The following FLRT2 variants were observed in gnomAD, a reference collection of about 807,000 sequenced individuals.
FLRT2 encodes the protein leucine-rich repeat transmembrane protein FLRT2.
FLRT2 carries 15 observed loss-of-function variants against 40.0 expected under a neutral mutation model. The ratio of observed to expected loss-of-function variants is 0.38; its 90% CI spans 0.25 to 0.58. The LOEUF is 0.58. FLRT2 is among the 20% of genes least tolerant of loss of function. The pLI, the probability that FLRT2 is intolerant of heterozygous loss-of-function variation, is 0.71. For missense variants in FLRT2, 726 were observed against 840.0 expected (o/e 0.86, Z 1.68); for synonymous variants, 380 against 336.8 (o/e 1.13, Z -1.41).
In FLRT2 at chr14:85,635,956, T is replaced by A. The variant is rs540384836; in HGVS notation, c.*12459T>A. The A allele has an allele frequency of 6.6e-6, 1 of 152,156 alleles. No individual in the cohort carries two copies. Among genetic ancestry groups the A allele is most frequent in the African/African-American group, 2.4e-5 (1 of 41,446 alleles). 9.4% of individuals were successfully genotyped at this position (152,156 alleles called of 1,614,324 possible). ...TAAAGATGTTTATATAATTTTTATA[T>A]AATACACACTTCCAATAATTGATAA... On this transcript the variant is annotated 3_prime_UTR_variant, in exon 2 of 2. Transcript: ENST00000330753.
At chr14:85,611,901 C>CGT in intron 1 of FLRT2, among the ~76,000 whole-genome samples, 1 of 143,854 alleles carries the variant, frequency 7.0e-6, no homozygotes, top group Non-Finnish European at 1.5e-5. Flanking sequence ...AGAGAGAGAG[C>CGT]GCGCGTGCGC....
intron 1 of FLRT2, among the ~76,000 whole-genome samples, chr14:85,596,475 C>T (rs1443033032): frequency 6.6e-6 from 1 of 152,096 alleles, no homozygotes; most frequent in Non-Finnish European, 1.5e-5. Context: ...AGAGATTAGA[C>T]ACTAATGTAA....
At chr14:85,542,788 G>A (rs949471188) in intron 1 of FLRT2, among the ~76,000 whole-genome samples, 2 of 152,126 alleles carry the variant, frequency 1.3e-5, no homozygotes, top group Non-Finnish European at 2.9e-5. Context: ...GGAATGCCAC[G>A]CAGACATCCG....
intron 1 of FLRT2, among the ~76,000 whole-genome samples, chr14:85,587,993 G>A (rs974152027): frequency 4.6e-5 from 7 of 151,784 alleles, no homozygotes; most frequent in East Asian, 3.9e-4. Flanking sequence ...GTGCAGTGGC[G>A]CAATCTCAGC....
At position 85,623,617 on chromosome 14, in the gene FLRT2, T is replaced by C; in HGVS notation, c.*120T>C. The C allele has an allele frequency of 2.7e-6, 2 of 747,580 alleles. No homozygotes were observed. The highest frequency in any genetic ancestry group is 4.0e-6 in the Non-Finnish European group (2 of 501,496). 46.3% of individuals were successfully genotyped at this position (747,580 alleles called of 1,614,324 possible). On this transcript the variant is annotated 3_prime_UTR_variant, in exon 2 of 2. Coordinates refer to ENST00000330753, the MANE Select transcript of FLRT2 (RefSeq NM_013231.6). ...TGTTACACAGATGCATTTGTGCATTTGAATACTCTGTAATTTATACGGTGT... is the reference window on the plus strand; with the variant it reads ...TGTTACACAGATGCATTTGTGCATTCGAATACTCTGTAATTTATACGGTGT...
intron 1 of FLRT2, among the ~76,000 whole-genome samples, chr14:85,597,425 T>G (rs907533843): frequency 2.6e-5 from 4 of 152,208 alleles, no homozygotes; most frequent in African/African-American, 9.6e-5. Flanking sequence ...TGTCTTTTTA[T>G]TTGTTCTACC....
At chr14:85,530,816 T>C (rs1429755505) in intron 1 of FLRT2, among the ~76,000 whole-genome samples, 1 of 152,098 alleles carries the variant, frequency 6.6e-6, no homozygotes, top group Non-Finnish European at 1.5e-5. Context: ...GCCTGGTAGA[T>C]GCATCGATGC....
chr14:85,566,255 G>T (rs1015118233), intron 1 of FLRT2, among the ~76,000 whole-genome samples: 20 of 152,240 alleles, frequency 1.3e-4, no homozygotes, highest in African/African-American at 4.6e-4. Flanking sequence ...AATTCATTTT[G>T]GTTGAGGGCC....
chr14:85,651,467 T>C lies in FLRT2; in HGVS notation c.*27970T>C, dbSNP rs1427439821. 1 of 152,138 alleles carries C rather than the reference T, an allele frequency of 6.6e-6. No homozygotes were observed. The highest frequency in any genetic ancestry group is 6.6e-5 in the Admixed American group (1 of 15,248). 9.4% of individuals were successfully genotyped at this position (152,138 alleles called of 1,614,324 possible). A position where few individuals can be genotyped will look rare whatever the true frequency, so the allele number is the denominator to read the frequency against. On this transcript the variant is annotated 3_prime_UTR_variant, in exon 2 of 2. Transcript: ENST00000330753. ...TTGTTTGTGCTGTGAATTATTGAGA[T>C]AATGGGTTAAATGTATGTGCCTGTG...
intron 1 of FLRT2, among the ~76,000 whole-genome samples, chr14:85,592,362 A>C (rs149339020): frequency 1.6e-3 from 241 of 151,916 alleles, no homozygotes; most frequent in African/African-American, 5.6e-3. Context: ...GGGAACCTCC[A>C]CTCACCTTTC....
In FLRT2 at chr14:85,650,949, A is replaced by G. The variant is rs1379258873; in HGVS notation, c.*27452A>G. The G allele has an allele frequency of 1.3e-5, 2 of 151,860 alleles. No individual in the cohort carries two copies. Among genetic ancestry groups the G allele is most frequent in the Admixed American group, 6.6e-5 (1 of 15,204 alleles). 9.4% of individuals were successfully genotyped at this position (151,860 alleles called of 1,614,324 possible). On this transcript the variant is annotated 3_prime_UTR_variant, in exon 2 of 2. Coordinates refer to ENST00000330753, the MANE Select transcript of FLRT2 (RefSeq NM_013231.6). ...GTAGACTCCAACTCCTGGGCTCAAG[A>G]GATACTCTCCTGCCTTGGTTTCCTA...
Position 85,652,073 on chromosome 14 carries a change from A to T in FLRT2, c.*28576A>T, listed in dbSNP as rs957366883. 2.6e-5 allele frequency: 4 copies of T among 152,086 alleles called. No individual in the cohort carries two copies. The highest frequency in any genetic ancestry group is 9.7e-5 in the African/African-American group (4 of 41,450). 9.4% of individuals were successfully genotyped at this position (152,086 alleles called of 1,614,324 possible). On this transcript the variant is annotated 3_prime_UTR_variant, in exon 2 of 2. Coordinates refer to ENST00000330753, the MANE Select transcript of FLRT2 (RefSeq NM_013231.6). ...ATTCTCATTAAATCAGCTGTTTATT[A>T]AAAAAAGCAATGAGCAAGGAACAAC...
At position 85,622,645 on chromosome 14, in the gene FLRT2, T is replaced by C; in HGVS notation, c.1131T>C (p.Ala377=). 6.2e-7 allele frequency: 1 copy of C among 1,613,888 alleles called. No individual in the cohort carries two copies. Among genetic ancestry groups the C allele is most frequent in the Non-Finnish European group, 8.5e-7 (1 of 1,180,004 alleles). Reference sequence around the variant, plus strand: ...TCTTCACCCCAGCCCCAAGTACAGCTTCTCCGACCACTCAGCCTCCCACCC... The same window carrying C: ...TCTTCACCCCAGCCCCAAGTACAGCCTCTCCGACCACTCAGCCTCCCACCC... ...LPLFTPAPST[A]SPTTQPPTLS... The change falls in exon 2 of 2, where the codon GCT becomes GCC. Residue 377 remains alanine (A), a synonymous_variant. Transcript: ENST00000330753.
intron 1 of FLRT2, among the ~76,000 whole-genome samples, chr14:85,584,565 C>T (rs1386314581): frequency 6.6e-6 from 1 of 152,156 alleles, no homozygotes. Context: ...CAGTATGCCC[C>T]CCAGAGCCAC....
At chr14:85,565,793 A>C (rs1434559291) in intron 1 of FLRT2, among the ~76,000 whole-genome samples, 1 of 152,172 alleles carries the variant, frequency 6.6e-6, no homozygotes, top group African/African-American at 2.4e-5. Context: ...GACACTGATA[A>C]CTTCATACCA....
intron 1 of FLRT2, among the ~76,000 whole-genome samples, chr14:85,556,659 T>C (rs1038901686): frequency 2.6e-5 from 4 of 152,242 alleles, no homozygotes; most frequent in Non-Finnish European, 4.4e-5. Context: ...AGTTTTCTCA[T>C]GTAGAGCCTG....
rs2139404745 is a variant in FLRT2 at position 85,645,705 on chromosome 14, A to C, written c.*22208A>C. Reference sequence around the variant, plus strand: ...GAATCTTTCAGAGATTCAGTAGATAAGGTGATCTATTATATGGATGTCAAG... The same window carrying C: ...GAATCTTTCAGAGATTCAGTAGATACGGTGATCTATTATATGGATGTCAAG... On this transcript the variant is annotated 3_prime_UTR_variant, in exon 2 of 2. Coordinates refer to ENST00000330753, the MANE Select transcript of FLRT2 (RefSeq NM_013231.6). The C allele has an allele frequency of 6.6e-6, 1 of 152,310 alleles. No homozygotes were observed. The highest frequency in any genetic ancestry group is 2.1e-4 in the South Asian group (1 of 4,824). 9.4% of individuals were successfully genotyped at this position (152,310 alleles called of 1,614,324 possible).
chr14:85,585,192 T>A (rs1365538521), intron 1 of FLRT2, among the ~76,000 whole-genome samples: 1 of 152,178 alleles, frequency 6.6e-6, no homozygotes, highest in Non-Finnish European at 1.5e-5. Context: ...TCATCTGTCA[T>A]CAACACTCAA....
At chr14:85,566,719 T>C (rs1482047331) in intron 1 of FLRT2, among the ~76,000 whole-genome samples, 1 of 150,846 alleles carries the variant, frequency 6.6e-6, no homozygotes. Flanking sequence ...GAAGAAAGTG[T>C]CATCTCGTGG....
Sources: allele counts gnomAD v4.1 joint callset (sites outside exome capture counted in the v4.1 genomes callset), GRCh38; gene constraint gnomAD v4.1.1; transcripts MANE v1.5; gene names NCBI Gene and HGNC (gene_info 2026-07-23, HGNC 2026-07-21).